UNC45B: variants seen among roughly 807,000 people sequenced by gnomAD.
UNC45B encodes protein unc-45 homolog B.
UNC45B carries 78 observed loss-of-function variants against 98.7 expected under a neutral mutation model. The ratio of observed to expected loss-of-function variants is 0.79; its 90% CI spans 0.66 to 0.95. UNC45B has a LOEUF of 0.95. Ranked by LOEUF, UNC45B falls within the 40% of genes least tolerant of loss-of-function variation. The pLI is 0.00. For synonymous variants in UNC45B, 462 were observed against 480.4 expected (o/e 0.96, Z 0.50); for missense variants, 1,225 against 1,184.9 (o/e 1.03, Z -0.50).
Position 35,168,106 on chromosome 17 carries a change from C to A in UNC45B, c.1197C>A (p.Ile399=). Residue 399 remains isoleucine (I), a synonymous_variant, in exon 10 of 20, where the codon ATC becomes ATA. Coordinates refer to ENST00000394570, the MANE Select transcript of UNC45B (RefSeq NM_001267052.2). The part of the protein sequence containing the change: ...PQDMDKNLNA[I]QTVSGILQGP... ...ACATGGACAAGAACTTGAATGCCAT[C>A]CAGACAGTGTCAGGGATCCTGCAGG... 1 of 1,575,154 alleles carries A rather than the reference C, an allele frequency of 6.3e-7. No homozygotes were observed. The highest frequency in any genetic ancestry group is 8.6e-7 in the Non-Finnish European group (1 of 1,160,102).
intron 13 of UNC45B, 152 bp downstream of exon 13, chr17:35,171,614 A>C: frequency 1.2e-6 from 1 of 838,270 alleles, no homozygotes. Context: ...GTTAATGGTA[A>C]ACTTTCCCAC....
intron 4 of UNC45B, among the ~76,000 whole-genome samples, chr17:35,151,009 G>A (rs888794780): frequency 4.6e-5 from 7 of 152,108 alleles, no homozygotes; most frequent in Non-Finnish European, 5.9e-5. Context: ...TCTTTCTCCT[G>A]GGTTTAAGCA....
chr17:35,177,197 C>T, intron 16 of UNC45B, 67 bp downstream of exon 16: 2 of 1,410,156 alleles, frequency 1.4e-6, no homozygotes, highest in South Asian at 2.4e-5. Flanking sequence ...GGCCTTTCCC[C>T]TTGTCATTCT....
chr17:35,152,490 C>G (rs2092027469), intron 4 of UNC45B, among the ~76,000 whole-genome samples: 1 of 152,148 alleles, frequency 6.6e-6, no homozygotes, highest in African/African-American at 2.4e-5. Flanking sequence ...GTCTACATTT[C>G]AAGTGTGTTA....
intron 18 of UNC45B, 54 bp from the exon 19 acceptor site, chr17:35,183,373 A>C: frequency 1.4e-6 from 2 of 1,453,788 alleles, no homozygotes; most frequent in South Asian, 3.1e-5. Flanking sequence ...TTCCCTCTTC[A>C]GGCTGGGCAG....
chr17:35,164,105 G>A lies in UNC45B; in HGVS notation c.1090G>A (p.Asp364Asn). Reference sequence around the variant, plus strand: ...CTCTATCCTCATCAACAAGCTCTATGATGACCTGCGCTGTGACCCGGAGCG... The same window carrying A: ...CTCTATCCTCATCAACAAGCTCTATAATGACCTGCGCTGTGACCCGGAGCG... ...LASILINKLY[D>N]DLRCDPERDH... Residue 364 changes from aspartate to asparagine, a missense_variant, in exon 9 of 20, where the codon GAT becomes AAT. Coordinates refer to ENST00000394570, the MANE Select transcript of UNC45B (RefSeq NM_001267052.2). 1 of 1,614,022 alleles carries A rather than the reference G, an allele frequency of 6.2e-7. No homozygotes were observed. The highest frequency in any genetic ancestry group is 1.1e-5 in the South Asian group (1 of 91,064).
At chr17:35,179,508 C>T (rs895687230) in intron 17 of UNC45B, among the ~76,000 whole-genome samples, 15 of 152,170 alleles carry the variant, frequency 9.9e-5, no homozygotes, top group African/African-American at 3.6e-4. Context: ...ACCCAAATGT[C>T]CATCAATGAT....
chr17:35,181,228 G>A (rs2092271484), intron 18 of UNC45B, among the ~76,000 whole-genome samples: 2 of 152,196 alleles, frequency 1.3e-5, no homozygotes, highest in Non-Finnish European at 2.9e-5. Context: ...ACATGCCGTA[G>A]GCTTCATGGT....
rs114578610 is a variant in UNC45B at position 35,167,795 on chromosome 17, A to G, written c.1152-266A>G. ...TCTCTAATAAACTTCCTGCATGTCA[A>G]TCCCTGAGTCAGAGTGTATTTCCCA... is the stretch of plus-strand genomic sequence containing the variant. On this transcript the variant is annotated intron_variant, in intron 9 of 19. Transcript: ENST00000394570. Among the ~76,000 whole-genome samples the G allele has an allele frequency of 5.6e-3, 847 of 152,176 alleles. 9 individuals are homozygous for G. The highest frequency in any genetic ancestry group is 0.019 in the African/African-American group (784 of 41,500).
At chr17:35,168,394 T>C in intron 10 of UNC45B, 33 bp downstream of exon 10, 1 of 1,312,992 alleles carries the variant, frequency 7.6e-7, no homozygotes. Flanking sequence ...TCCTACTCAG[T>C]ACAAGGTGCC....
At chr17:35,176,104 C>A in intron 15 of UNC45B, 70 bp downstream of exon 15, 3 of 1,489,234 alleles carry the variant, frequency 2.0e-6, no homozygotes, top group South Asian at 1.1e-5. Flanking sequence ...GAATTATGTA[C>A]CCTCTGCCCC....
rs1179139996 is a variant in UNC45B at position 35,187,904 on chromosome 17, G to A, written c.*1345G>A. ...GTCAACAGTTCTGATCTCAGCATTGGGTAAAGGGTGGGACATTCAGATTTA... is the reference window on the plus strand; with the variant it reads ...GTCAACAGTTCTGATCTCAGCATTGAGTAAAGGGTGGGACATTCAGATTTA... On this transcript the variant is annotated 3_prime_UTR_variant, in exon 20 of 20. Transcript: ENST00000394570. 1 of 152,162 alleles carries A rather than the reference G, an allele frequency of 6.6e-6. No homozygotes were observed. Among genetic ancestry groups the A allele is most frequent in the Non-Finnish European group, 1.5e-5 (1 of 68,038 alleles). The allele number at this position is 152,162 out of a possible 1,614,324, so 9.4% of individuals were successfully genotyped here.
At chr17:35,171,790 A>G (rs1380390815) in intron 13 of UNC45B, among the ~76,000 whole-genome samples, 1 of 152,210 alleles carries the variant, frequency 6.6e-6, no homozygotes, top group Non-Finnish European at 1.5e-5. Context: ...ACAGATAACA[A>G]TTTGATTTTC....
chr17:35,167,017 G>C (rs1199904187), intron 9 of UNC45B: 1 of 152,274 alleles, frequency 6.6e-6, no homozygotes, highest in Non-Finnish European at 1.5e-5. Flanking sequence ...CCCTAGAGTA[G>C]ATGATAATAG....
intron 12 of UNC45B, among the ~76,000 whole-genome samples, chr17:35,170,564 C>G (rs1403214555): frequency 6.8e-6 from 1 of 146,418 alleles, no homozygotes; most frequent in African/African-American, 2.5e-5. Context: ...AGCAGGGCAT[C>G]GTAGCACGTG....
In UNC45B at chr17:35,174,313, C is replaced by T. The variant is rs2092211009; in HGVS notation, c.1902C>T (p.Cys634=). ...LKAGVISALA[C]MVKADSAILT... ...CGGGTGTCATCTCTGCCCTGGCTTG[C>T]ATGGTGAAAGCAGATAGTGCCATCC... Residue 634 remains cysteine (C), a synonymous_variant, in exon 14 of 20, where the codon TGC becomes TGT. Coordinates refer to ENST00000394570, the MANE Select transcript of UNC45B (RefSeq NM_001267052.2). 1 of 1,614,056 alleles carries T rather than the reference C, an allele frequency of 6.2e-7. No individual in the cohort carries two copies. The highest frequency in any genetic ancestry group is 8.5e-7 in the Non-Finnish European group (1 of 1,180,036).
At chr17:35,151,163 TC>T in intron 4 of UNC45B, 1 of 286,370 alleles carries the variant, frequency 3.5e-6, no homozygotes, top group Non-Finnish European at 6.8e-6. Flanking sequence ...CCCTGTTCAC[TC>T]GCCATTACTG....
chr17:35,177,060 T>G lies in UNC45B; in HGVS notation c.2069T>G (p.Val690Gly), dbSNP rs1288883970. 8.1e-6 allele frequency: 13 copies of G among 1,614,180 alleles called. No homozygotes were observed. The highest frequency in any genetic ancestry group is 1.7e-5 in the Admixed American group (1 of 60,020). The change falls in exon 16 of 20, where the codon GTG (valine) becomes GGG (glycine). Residue 690 changes from valine (V) to glycine (G), a missense_variant. Physicochemically the swap from Val to Gly is moderately radical, Grantham distance 109 (BLOSUM62 -3). Coordinates refer to ENST00000394570, the MANE Select transcript of UNC45B (RefSeq NM_001267052.2). Reference protein sequence around the residue: ...LALEGTDVGKVKAAHALAKIA... With the variant: ...LALEGTDVGKGKAAHALAKIA... ...TTGGAGGGCACAGATGTGGGCAAGGTGAAGGCAGCCCACGCTCTAGCAAAG... is the reference window on the plus strand; with the variant it reads ...TTGGAGGGCACAGATGTGGGCAAGGGGAAGGCAGCCCACGCTCTAGCAAAG...
At position 35,164,089 on chromosome 17, in the gene UNC45B, C is replaced by T. The variant is rs764641013; in HGVS notation, c.1074C>T (p.Leu358=). The change falls in exon 9 of 20, where the codon CTC becomes CTT. Residue 358 remains leucine (L), a synonymous_variant. Coordinates refer to ENST00000394570, the MANE Select transcript of UNC45B (RefSeq NM_001267052.2). ...TDNTRMLASI[L]INKLYDDLRC... is the part of the protein sequence containing the mutation. ...ACACCCGCATGCTGGCCTCTATCCTCATCAACAAGCTCTATGATGACCTGC... is the reference window on the plus strand; with the variant it reads ...ACACCCGCATGCTGGCCTCTATCCTTATCAACAAGCTCTATGATGACCTGC... The T allele has an allele frequency of 6.6e-5, 106 of 1,614,014 alleles. 1 individual carries two copies. Among genetic ancestry groups the T allele is most frequent in the South Asian group, 5.9e-4 (54 of 91,086 alleles).
Sources: gnomAD v4.1 joint callset for allele counts (sites outside exome capture counted in the v4.1 genomes callset) on GRCh38, gnomAD v4.1.1 for gene constraint, MANE v1.5 for transcripts, NCBI Gene and HGNC (gene_info 2026-07-23, HGNC 2026-07-21) for gene names.